SRRM3: variants seen among roughly 807,000 people sequenced by gnomAD.
SRRM3 encodes the protein serine/arginine repetitive matrix protein 3.
In SRRM3, 27 loss-of-function variants were observed where a neutral mutation model predicts 66.2. That is an observed-to-expected ratio of 0.41 (90% CI 0.30 to 0.56). The LOEUF (loss-of-function observed/expected upper bound fraction) is 0.56. SRRM3 is among the 20% of genes least tolerant of loss of function. The pLI is 0.32. For missense variants in SRRM3, 918 were observed against 991.9 expected (o/e 0.93, Z 1.00); for synonymous variants, 391 against 414.9 (o/e 0.94, Z 0.70).
chr7:76,265,309 G>T (rs1451084006), intron 9 of SRRM3, 55 bp from the exon 10 acceptor site: 2 of 1,404,794 alleles, frequency 1.4e-6, no homozygotes, highest in South Asian at 1.3e-5. Context: ...TGGGGGCTGG[G>T]GGGATCACGG....
intron 2 of SRRM3, among the ~76,000 whole-genome samples, chr7:76,246,237 C>T (rs1361289223): frequency 6.6e-6 from 1 of 152,110 alleles, no homozygotes; most frequent in Admixed American, 6.6e-5. Context: ...AGGTTGTGTT[C>T]CCATTTCACA....
In SRRM3 at chr7:76,235,168, G is replaced by A. The variant is rs1554604659; in HGVS notation, c.102G>A (p.Arg34=). 17 of 1,552,648 alleles carry A rather than the reference G, an allele frequency of 1.1e-5. No individual in the cohort carries two copies. Among genetic ancestry groups the A allele is most frequent in the Non-Finnish European group, 1.4e-5 (16 of 1,157,062 alleles). ...QPSSSSGTWP[R]AEEELRAAEP... is the part of the protein sequence containing the mutation. ...GCTCCTCCTCGGGGACCTGGCCGCG[G>A]GCGGAAGAGGAGCTGCGCGCCGCGG... is the stretch of plus-strand genomic sequence containing the variant. The change falls in exon 2 of 15, where the codon CGG becomes CGA. Residue 34 remains arginine (R), a synonymous_variant. Transcript: ENST00000611745.
At chr7:76,267,536 G>T in intron 11 of SRRM3, 101 bp downstream of exon 11, 2 of 809,650 alleles carry the variant, frequency 2.5e-6, no homozygotes, top group Admixed American at 9.0e-5. Flanking sequence ...GTGTGGCATG[G>T]GGGCGGGGGC....
chr7:76,282,852 G>A lies in SRRM3; in HGVS notation c.1575G>A (p.Ser525=). The A allele has an allele frequency of 6.9e-7, 1 of 1,452,150 alleles. No individual in the cohort carries two copies. 90.0% of individuals were successfully genotyped at this position (1,452,150 alleles called of 1,614,324 possible). ...CCCACAGCCCCAGCCGCTCGCCGTCGCCCAAGAAGCCCCTCAGCCGGTGAG... is the reference window on the plus strand; with the variant it reads ...CCCACAGCCCCAGCCGCTCGCCGTCACCCAAGAAGCCCCTCAGCCGGTGAG... ...KRPHSPSRSP[S]PKKPLSRDKD... Residue 525 remains serine (S), a synonymous_variant, in exon 13 of 15, where the codon TCG becomes TCA. Transcript: ENST00000611745.
At chr7:76,267,470 C>T (rs1281946111) in intron 11 of SRRM3, 35 bp downstream of exon 11, 3 of 1,314,122 alleles carry the variant, frequency 2.3e-6, no homozygotes, top group African/African-American at 3.1e-5. Context: ...GGTTCCCGCG[C>T]CGCGGGCTGC....
At chr7:76,283,269 A>T (rs1431705332) in intron 14 of SRRM3, among the ~76,000 whole-genome samples, 168 bp downstream of exon 14, 1 of 132,714 alleles carries the variant, frequency 7.5e-6, no homozygotes, top group Non-Finnish European at 1.6e-5. Context: ...GTAGGGGGCC[A>T]GGGGAGGAGG....
At chr7:76,215,239 A>G (rs905065075) in intron 1 of SRRM3, among the ~76,000 whole-genome samples, 1 of 151,986 alleles carries the variant, frequency 6.6e-6, no homozygotes, top group Non-Finnish European at 1.5e-5. Flanking sequence ...AACAAAAAAA[A>G]CTACTATGAA....
Position 76,283,012 on chromosome 7 carries a change from C to A in SRRM3, c.1644C>A (p.Thr548=). The part of the protein sequence containing the change: ...GRARHSEAEA[T]RARRRSRSYS... ...CAAGGCACTCTGAGGCCGAGGCCAC[C>A]CGCGCCCGGCGCCGCTCCCGCAGCT... The change falls in exon 14 of 15, where the codon ACC becomes ACA. Residue 548 remains threonine (T), a synonymous_variant. Coordinates refer to ENST00000611745, the MANE Select transcript of SRRM3 (RefSeq NM_001110199.3). 6.8e-7 allele frequency: 1 copy of A among 1,470,824 alleles called. No homozygotes were observed. The highest frequency in any genetic ancestry group is 8.9e-7 in the Non-Finnish European group (1 of 1,118,672). 91.1% of individuals were successfully genotyped at this position (1,470,824 alleles called of 1,614,324 possible).
At chr7:76,210,066 TC>T (rs1173907234) in intron 1 of SRRM3, among the ~76,000 whole-genome samples, 2 of 152,060 alleles carry the variant, frequency 1.3e-5, no homozygotes, top group East Asian at 1.9e-4. Context: ...CAGGGAGGTG[TC>T]TGTCTGCCTA....
intron 12 of SRRM3, 136 bp downstream of exon 12, chr7:76,281,938 CTA>C: frequency 1.7e-6 from 1 of 593,556 alleles, no homozygotes; most frequent in Non-Finnish European, 2.2e-6. Context: ...TCCCACCGAG[CTA>C]CCCCCATGGA....
At chr7:76,212,239 G>T (rs2116940319) in intron 1 of SRRM3, among the ~76,000 whole-genome samples, 1 of 143,450 alleles carries the variant, frequency 7.0e-6, no homozygotes, top group East Asian at 2.0e-4. Flanking sequence ...TGGCTTACTA[G>T]AGTCTTGACC....
intron 14 of SRRM3, chr7:76,283,715 G>C (rs1802591479): frequency 9.0e-7 from 1 of 1,107,718 alleles, no homozygotes; most frequent in Non-Finnish European, 1.2e-6. Context: ...GCAGCTGTCA[G>C]AGGAGCCAGC....
chr7:76,253,722 A>G (rs1801637474), intron 3 of SRRM3, among the ~76,000 whole-genome samples: 1 of 149,240 alleles, frequency 6.7e-6, no homozygotes, highest in Non-Finnish European at 1.5e-5. Flanking sequence ...AGGCTGAGGC[A>G]GGAGACGGAG....
chr7:76,259,643 G>C (rs1554608233), intron 3 of SRRM3, among the ~76,000 whole-genome samples: 1 of 152,018 alleles, frequency 6.6e-6, no homozygotes. Flanking sequence ...AGGGGTGCGG[G>C]CTAAATAAGG....
chr7:76,282,903 G>A (rs1319533212), intron 13 of SRRM3, 31 bp downstream of exon 13: 3 of 1,311,388 alleles, frequency 2.3e-6, no homozygotes, highest in East Asian at 6.3e-5. Context: ...GGCCGACGGG[G>A]CGGGCGGCGG....
chr7:76,245,064 A>T (rs1199900113), intron 2 of SRRM3, among the ~76,000 whole-genome samples: 1 of 152,228 alleles, frequency 6.6e-6, no homozygotes, highest in Non-Finnish European at 1.5e-5. Context: ...GTTGCTATGG[A>T]CATGCAAACG....
At chr7:76,260,442 GC>G (rs1278239962) in intron 5 of SRRM3, among the ~76,000 whole-genome samples, 15 of 46,770 alleles carry the variant, frequency 3.2e-4, no homozygotes, top group Admixed American at 1.2e-3. Context: ...GCTAGGTTCC[GC>G]CCCCCAAGGA....
At chr7:76,274,750 C>T (rs1802299126) in intron 11 of SRRM3, among the ~76,000 whole-genome samples, 1 of 152,144 alleles carries the variant, frequency 6.6e-6, no homozygotes. Flanking sequence ...CCCTAGGGGA[C>T]CCCACCTCCG....
At chr7:76,223,065 C>T (rs1800765684) in intron 1 of SRRM3, among the ~76,000 whole-genome samples, 1 of 152,212 alleles carries the variant, frequency 6.6e-6, no homozygotes, top group South Asian at 2.1e-4. Context: ...CCTAGCTATG[C>T]TCCTCTCCTG....
Sources: gnomAD v4.1 joint callset for allele counts (sites outside exome capture counted in the v4.1 genomes callset) on GRCh38, gnomAD v4.1.1 for gene constraint, MANE v1.5 for transcripts, NCBI Gene and HGNC (gene_info 2026-07-23, HGNC 2026-07-21) for gene names.